The following SYT7 variants were observed in gnomAD, a reference collection of about 807,000 sequenced individuals.
SYT7 encodes the protein synaptotagmin 7, also known as synaptotagmin-7.
In SYT7, 29 loss-of-function variants were observed where a neutral mutation model predicts 75.1. The ratio of observed to expected loss-of-function variants is 0.39; its 90% CI spans 0.29 to 0.53. The LOEUF (loss-of-function observed/expected upper bound fraction) is 0.53. Among genes scored for constraint, SYT7 ranks in the 20% least tolerant of loss-of-function variants. The probability of loss-of-function intolerance (pLI) is 0.77; values close to 1 mark genes in which losing one functional copy is unlikely to be tolerated. For synonymous variants in SYT7, 376 were observed against 401.7 expected, an observed-to-expected ratio of 0.94 and a Z score of 0.76; for missense variants, 693 against 953.2, an observed-to-expected ratio of 0.73 and a Z score of 3.59.
rs2064093732 is a variant in SYT7, at chr11:61,576,797, G to A, written c.31+3993C>T. On this transcript the variant is annotated intron_variant, in intron 1 of 12. Transcript: ENST00000539008. This position sits in a 1 kb window ranked among gnomAD's most constrained non-coding sequence, Gnocchi z 4.1. ...CTCTGCCTGTTCCACACAACATCCT[G>A]CAATGGCCGGGCTAGAGGGTGTAAC... Among the ~76,000 whole-genome samples, 1 of 152,146 alleles carries A rather than the reference G, an allele frequency of 6.6e-6. No homozygotes were observed. The highest frequency in any genetic ancestry group is 1.5e-5 in the Non-Finnish European group (1 of 68,008).
chr11:61,519,193 A>G (rs1407939429), intron 12 of SYT7, among the ~76,000 whole-genome samples: 1 of 152,140 alleles, frequency 6.6e-6, no homozygotes, highest in Admixed American at 6.5e-5. Flanking sequence ...GATTATCTCC[A>G]TTTTTCAGAT....
intron 8 of SYT7, among the ~76,000 whole-genome samples, chr11:61,528,660 AC>A (rs1464275767): frequency 6.6e-6 from 1 of 152,176 alleles, no homozygotes; most frequent in Admixed American, 6.5e-5. Flanking sequence ...GTTTACCGCA[AC>A]AATTCTTTGG....
At chr11:61,539,282 G>A (rs1385064422) in intron 6 of SYT7, among the ~76,000 whole-genome samples, 1 of 152,136 alleles carries the variant, frequency 6.6e-6, no homozygotes, top group Non-Finnish European at 1.5e-5. Flanking sequence ...GTGGGCAGCC[G>A]TATGAGGCCA....
upstream of SYT7, among the ~76,000 whole-genome samples, chr11:61,584,277 CCTAGCTA>C (rs887214117): frequency 1.3e-5 from 2 of 151,684 alleles, no homozygotes; most frequent in African/African-American, 4.8e-5. Context: ...CGCCTGTAAT[CCTAGCTA>C]CTCAGGAGGC....
At chr11:61,533,380 C>T in intron 7 of SYT7, 2 of 985,384 alleles carry the variant, frequency 2.0e-6, no homozygotes, top group Non-Finnish European at 2.4e-6. Context: ...TGGGGGGTGT[C>T]CCCATTCTTC....
Position 61,523,708 on chromosome 11 carries a change from T to C in SYT7, c.1756+119A>G. The C allele has an allele frequency of 9.5e-7, 1 of 1,053,264 alleles. No individual in the cohort carries two copies. The highest frequency in any genetic ancestry group is 1.4e-6 in the Non-Finnish European group (1 of 699,606). 65.2% of individuals were successfully genotyped at this position (1,053,264 alleles called of 1,614,324 possible). A position where few individuals can be genotyped will look rare whatever the true frequency, so the allele number is the denominator to read the frequency against. ...TAGGGTAAGGAGTGAGGACTGGAGG[T>C]CGGGGTGTGGCGGGTTGGGGTGAGG... On this transcript the variant is annotated intron_variant, in intron 11 of 12. Coordinates refer to ENST00000539008, the MANE Select transcript of SYT7 (RefSeq NM_001365809.2). The surrounding 1 kb of genome is among the most constrained non-coding windows in gnomAD (Gnocchi z 5.0).
chr11:61,549,772 C>A (rs549298953), intron 3 of SYT7, among the ~76,000 whole-genome samples: 4 of 152,320 alleles, frequency 2.6e-5, no homozygotes, highest in African/African-American at 9.6e-5. Context: ...GCAGGCTGGA[C>A]GGCCGCTGCT....
In SYT7 at chr11:61,546,028, C is replaced by T; in HGVS notation, c.572+3G>A. 3.3e-6 allele frequency: 5 copies of T among 1,533,184 alleles called. No homozygotes were observed. Among genetic ancestry groups the T allele is most frequent in the South Asian group, 1.2e-5 (1 of 83,952 alleles). The allele number at this position is 1,533,184 out of a possible 1,614,324, so 95.0% of individuals were successfully genotyped here. On this transcript the variant is annotated splice_donor_region_variant and intron_variant, in intron 5 of 12. Transcript: ENST00000539008. The surrounding 1 kb of genome is among the most constrained non-coding windows in gnomAD (Gnocchi z 7.6). The stretch of plus-strand genomic sequence containing the variant: ...CCGGCAGCCATGGGGCGCCATCACT[C>T]ACTTGGACAAGTTGAGCTTCCCTGC...
intron 1 of SYT7, among the ~76,000 whole-genome samples, chr11:61,575,708 TC>T (rs1300690070): frequency 7.9e-5 from 12 of 152,064 alleles, no homozygotes; most frequent in Non-Finnish European, 1.5e-5. Flanking sequence ...GGAGGGGCCC[TC>T]CCCTAAAGCT....
At chr11:61,558,853 C>T (rs1179402633) in intron 1 of SYT7, among the ~76,000 whole-genome samples, 1 of 152,180 alleles carries the variant, frequency 6.6e-6, no homozygotes, top group East Asian at 1.9e-4. Context: ...AGCAATTCTC[C>T]TGCCTCAGCC....
intron 2 of SYT7, among the ~76,000 whole-genome samples, chr11:61,552,101 C>G (rs2063368762): frequency 6.6e-6 from 1 of 152,090 alleles, no homozygotes; most frequent in Non-Finnish European, 1.5e-5. Flanking sequence ...GCCCCTGCCC[C>G]CCAGAGTCCC....
At chr11:61,549,586 C>T (rs1055549640) in intron 3 of SYT7, among the ~76,000 whole-genome samples, 6 of 152,206 alleles carry the variant, frequency 3.9e-5, no homozygotes, top group Non-Finnish European at 7.4e-5. Flanking sequence ...AAGGAGGCTC[C>T]GCCACCTGTG....
Position 61,576,698 on chromosome 11 carries a change from G to C in SYT7, c.31+4092C>G, listed in dbSNP as rs1412319421. Among the ~76,000 whole-genome samples, 1 of 126,706 alleles carries C rather than the reference G, an allele frequency of 7.9e-6. No homozygotes were observed. The highest frequency in any genetic ancestry group is 1.6e-5 in the Non-Finnish European group (1 of 62,538). 83.1% of individuals were successfully genotyped at this position (126,706 alleles called of 152,430 possible). The stretch of plus-strand genomic sequence containing the variant: ...CAATAAGGATTCAAAGTCCGTGAGA[G>C]AATAGGGGGTGGGTGGGGAGTAGGA... On this transcript the variant is annotated intron_variant, in intron 1 of 12. Coordinates refer to ENST00000539008, the MANE Select transcript of SYT7 (RefSeq NM_001365809.2). The surrounding 1 kb of genome is among the most constrained non-coding windows in gnomAD (Gnocchi z 4.1).
rs1222350776 is a variant in SYT7, at chr11:61,580,751, C to A, written c.31+39G>T. 1 of 1,215,230 alleles carries A rather than the reference C, an allele frequency of 8.2e-7. No individual in the cohort carries two copies. Among genetic ancestry groups the A allele is most frequent in the South Asian group, 3.5e-5 (1 of 28,712 alleles). The allele number at this position is 1,215,230 out of a possible 1,614,324, so 75.3% of individuals were successfully genotyped here. On this transcript the variant is annotated intron_variant, in intron 1 of 12. Transcript: ENST00000539008. This position sits in a 1 kb window ranked among gnomAD's most constrained non-coding sequence, Gnocchi z 6.1. The stretch of plus-strand genomic sequence containing the variant: ...TCCGGCGCTGCCGCTGTCCTGCCCG[C>A]CGGTGCGGGGCGCCCCAGCCCGCCG...
intron 1 of SYT7, among the ~76,000 whole-genome samples, chr11:61,577,363 G>A (rs1054415380): frequency 2.6e-5 from 4 of 152,234 alleles, no homozygotes; most frequent in Non-Finnish European, 4.4e-5. Context: ...GGCATGTGCC[G>A]ATGGGGCAGG....
At chr11:61,554,290 A>ACACCCACACC (rs1565195539) in intron 2 of SYT7, among the ~76,000 whole-genome samples, 18 of 151,978 alleles carry the variant, frequency 1.2e-4, no homozygotes, top group African/African-American at 4.1e-4. Context: ...CTCTCACCAC[A>ACACCCACACC]CACACCCACA....
chr11:61,567,887 A>G (rs1184406064), intron 1 of SYT7, among the ~76,000 whole-genome samples: 1 of 152,190 alleles, frequency 6.6e-6, no homozygotes, highest in Non-Finnish European at 1.5e-5. Context: ...AGCCTGTCTG[A>G]CTGCATCCTG....
intron 9 of SYT7, among the ~76,000 whole-genome samples, chr11:61,527,152 AG>A (rs1401586744): frequency 2.0e-5 from 3 of 152,280 alleles, no homozygotes; most frequent in African/African-American, 7.2e-5. Flanking sequence ...GGAGAGAGAA[AG>A]GACATTTGTC....
At chr11:61,540,619 CCA>C (rs1229698730) in intron 6 of SYT7, 2 of 985,318 alleles carry the variant, frequency 2.0e-6, no homozygotes, top group East Asian at 1.1e-4. Flanking sequence ...TGGACGAATC[CCA>C]GTTAGTTGAG....
Sources: gnomAD v4.1 joint callset for allele counts (sites outside exome capture counted in the v4.1 genomes callset) on GRCh38, gnomAD v4.1.1 for gene constraint, Gnocchi (gnomAD v3.1) non-coding constraint, MANE v1.5 for transcripts, NCBI Gene and HGNC (gene_info 2026-07-23, HGNC 2026-07-21) for gene names.